Variants in ZNF778 observed in about 807,000 individuals in gnomAD.
The protein encoded by ZNF778 is zinc finger protein 778.
ZNF778 carries 37 observed loss-of-function variants against 23.9 expected under a neutral mutation model. The observed-to-expected ratio is 1.54, with a 90% CI of 1.19 to 2.03. The LOEUF (loss-of-function observed/expected upper bound fraction) is 2.03. Among genes scored for constraint, ZNF778 ranks in the 30% most tolerant of loss-of-function variants. ZNF778 has a pLI of 0.00. For missense variants in ZNF778, 1,297 were observed against 934.4 expected, an observed-to-expected ratio of 1.39 and a Z score of -5.06; for synonymous variants, 483 against 343.9, an observed-to-expected ratio of 1.40 and a Z score of -4.48.
Position 89,228,798 on chromosome 16 carries a change from A to T in ZNF778, c.*236A>T, listed in dbSNP as rs2031735463. The T allele has an allele frequency of 7.8e-7, 1 of 1,284,690 alleles. No individual in the cohort carries two copies. The highest frequency in any genetic ancestry group is 3.3e-5 in the East Asian group (1 of 30,702). The allele number at this position is 1,284,690 out of a possible 1,614,324, so 79.6% of individuals were successfully genotyped here. ...GTATCCAGTAGAGAGAACTCTATTG[A>T]TGTGTGATATGCAGCAGCATTGTTG... On this transcript the variant is annotated 3_prime_UTR_variant, in exon 7 of 7. Transcript: ENST00000433976.
At chr16:89,221,295 CTG>C in intron 2 of ZNF778, 143 bp downstream of exon 2, 2 of 940,744 alleles carry the variant, frequency 2.1e-6, no homozygotes, top group Non-Finnish European at 3.2e-6. Context: ...GAATGCTGAC[CTG>C]TAAGTCAGCC....
At position 89,227,980 on chromosome 16, in the gene ZNF778, G is replaced by C. The variant is rs753103117; in HGVS notation, c.1692G>C (p.Thr564=). 1 of 1,589,698 alleles carries C rather than the reference G, an allele frequency of 6.3e-7. No homozygotes were observed. Among genetic ancestry groups the C allele is most frequent in the Non-Finnish European group, 8.6e-7 (1 of 1,165,032 alleles). ...THTEEKPFIC[T]VCRKSFRNSS... Reference sequence around the variant, plus strand: ...CAGAGGAGAAGCCCTTTATATGTACGGTATGCAGGAAATCCTTCAGAAATT... The same window carrying C: ...CAGAGGAGAAGCCCTTTATATGTACCGTATGCAGGAAATCCTTCAGAAATT... The change falls in exon 7 of 7, where the codon ACG becomes ACC. Residue 564 remains threonine (T), a synonymous_variant. Transcript: ENST00000433976.
In ZNF778 at chr16:89,236,571, C is replaced by G. The variant is rs995648265; in HGVS notation, c.*8009C>G. 10 of 152,244 alleles carry G rather than the reference C, an allele frequency of 6.6e-5. No individual in the cohort carries two copies. The highest frequency in any genetic ancestry group is 2.1e-4 in the South Asian group (1 of 4,824). 9.4% of individuals were successfully genotyped at this position (152,244 alleles called of 1,614,324 possible). On this transcript the variant is annotated 3_prime_UTR_variant, in exon 7 of 7. Transcript: ENST00000433976. ...AGTAAATAGATCAGATCATTCTACT[C>G]TTGAGTTCTTTAAAATATATATTAT...
In ZNF778 at chr16:89,230,915, G is replaced by C. The variant is rs929123337; in HGVS notation, c.*2353G>C. The C allele has an allele frequency of 1.3e-5, 2 of 152,302 alleles. No homozygotes were observed. Among genetic ancestry groups the C allele is most frequent in the African/African-American group, 4.8e-5 (2 of 41,466 alleles). The allele number at this position is 152,302 out of a possible 1,614,324, so 9.4% of individuals were successfully genotyped here. Reference sequence around the variant, plus strand: ...TGTCACGTGTTTGAAATTCTGGATGGACAGACCCATGCACCTTCATGTTAC... The same window carrying C: ...TGTCACGTGTTTGAAATTCTGGATGCACAGACCCATGCACCTTCATGTTAC... On this transcript the variant is annotated 3_prime_UTR_variant, in exon 7 of 7. Transcript: ENST00000433976.
In ZNF778 at chr16:89,228,289, C is replaced by T. The variant is rs60437616; in HGVS notation, c.2001C>T (p.His667=). The part of the protein sequence containing the change: ...SSHLIEHRRT[H]TGEKPYICNE... ...ACCTTATCGAACACAGAAGGACTCACACAGGAGAGAAACCTTACATATGTA... is the reference window on the plus strand; with the variant it reads ...ACCTTATCGAACACAGAAGGACTCATACAGGAGAGAAACCTTACATATGTA... Residue 667 remains histidine (H), a synonymous_variant, in exon 7 of 7, where the codon CAC becomes CAT. Coordinates refer to ENST00000433976, the MANE Select transcript of ZNF778 (RefSeq NM_001201407.2). The T allele has an allele frequency of 0.85, 1,378,672 of 1,613,714 alleles. 595,232 individuals carry two copies. The highest frequency in any genetic ancestry group is 0.89 in the Non-Finnish European group (1,053,116 of 1,179,846).
chr16:89,227,019 C>T lies in ZNF778; in HGVS notation c.731C>T (p.Ala244Val), dbSNP rs771274684. 34 of 1,613,734 alleles carry T rather than the reference C, an allele frequency of 2.1e-5. 1 individual carries two copies. Among genetic ancestry groups the T allele is most frequent in the South Asian group, 1.5e-4 (14 of 91,080 alleles). Residue 244 changes from alanine (A) to valine (V), a missense_variant, in exon 7 of 7, where the codon GCG (alanine) becomes GTG (valine). Physicochemically the swap from Ala to Val is moderately conservative, Grantham distance 64. Transcript: ENST00000433976. ...AATCAGTCATACCTTCAGGCACGTG[C>T]GGGAAGTCACAACGGAGAAGAAACA... is the stretch of plus-strand genomic sequence containing the variant. ...FLNQSYLQAR[A>V]GSHNGEETWK...
At position 89,226,600 on chromosome 16, in the gene ZNF778, C is replaced by T. The variant is rs1218584751; in HGVS notation, c.406-94C>T. 2.9e-5 allele frequency: 34 copies of T among 1,176,370 alleles called. No homozygotes were observed. The South Asian group carries it at 3.2e-4, about 11-fold the overall frequency. The allele number at this position is 1,176,370 out of a possible 1,614,324, so 72.9% of individuals were successfully genotyped here. On this transcript the variant is annotated intron_variant, in intron 6 of 6. Coordinates refer to ENST00000433976, the MANE Select transcript of ZNF778 (RefSeq NM_001201407.2). ...TGCATGTTATGAAAATGGCAAAAAT[C>T]GTAATCATCATCGTCATGCTCTGTC...
rs985411490 is a variant in ZNF778 at position 89,233,877 on chromosome 16, G to A, written c.*5315G>A. On this transcript the variant is annotated 3_prime_UTR_variant, in exon 7 of 7. Coordinates refer to ENST00000433976, the MANE Select transcript of ZNF778 (RefSeq NM_001201407.2). ...TTTTTCTAACTACCACACCAAGCCA[G>A]TATTTCTCCTCCCTGAAGTCAGCCC... 9.3e-6 allele frequency: 12 copies of A among 1,289,730 alleles called. No individual in the cohort carries two copies. The highest frequency in any genetic ancestry group is 2.1e-4 in the Middle Eastern group (1 of 4,698). 79.9% of individuals were successfully genotyped at this position (1,289,730 alleles called of 1,614,324 possible). A position where few individuals can be genotyped will look rare whatever the true frequency, so the allele number is the denominator to read the frequency against.
In ZNF778 at chr16:89,234,110, C is replaced by T. The variant is rs745526412; in HGVS notation, c.*5548C>T. 9.9e-6 allele frequency: 5 copies of T among 506,322 alleles called. No individual in the cohort carries two copies. The highest frequency in any genetic ancestry group is 4.6e-5 in the South Asian group (3 of 65,118). 31.4% of individuals were successfully genotyped at this position (506,322 alleles called of 1,614,324 possible). The stretch of plus-strand genomic sequence containing the variant: ...TGCCTGGAGTGATGTGCCGCCTTCT[C>T]TTGACACTGTGAGTGATAAACTTTC... On this transcript the variant is annotated 3_prime_UTR_variant, in exon 7 of 7. Transcript: ENST00000433976.
Position 89,227,783 on chromosome 16 carries a change from C to G in ZNF778, c.1495C>G (p.His499Asp). The change falls in exon 7 of 7, where the codon CAT (histidine) becomes GAT (aspartate). Residue 499 changes from histidine (H) to aspartate (D), a missense_variant. Coordinates refer to ENST00000433976, the MANE Select transcript of ZNF778 (RefSeq NM_001201407.2). ...AAGCCTGACTGAGCACGCGAGAATC[C>G]ATACCGGAGAGAAACCCTACGAATG... ...SSSLTEHARI[H>D]TGEKPYECKQ... 6.2e-7 allele frequency: 1 copy of G among 1,613,160 alleles called. No individual in the cohort carries two copies. Among genetic ancestry groups the G allele is most frequent in the Non-Finnish European group, 8.5e-7 (1 of 1,179,256 alleles).
In ZNF778 at chr16:89,228,166, C is replaced by T. The variant is rs931513914; in HGVS notation, c.1878C>T (p.Phe626=). 6.2e-7 allele frequency: 1 copy of T among 1,613,582 alleles called. No homozygotes were observed. The highest frequency in any genetic ancestry group is 8.5e-7 in the Non-Finnish European group (1 of 1,179,644). Residue 626 remains phenylalanine (F), a synonymous_variant, in exon 7 of 7, where the codon TTC becomes TTT. Transcript: ENST00000433976. The part of the protein sequence containing the change: ...PYECKVCGKA[F]TTSSHLIVHI... ...AATGTAAAGTATGCGGAAAGGCCTT[C>T]ACCACATCCTCACACCTTATCGTGC...
rs2032243404 is a variant in ZNF778, at chr16:89,236,581, TTAAAATA to T, written c.*8022_*8028del. On this transcript the variant is annotated 3_prime_UTR_variant, in exon 7 of 7. Transcript: ENST00000433976. ...TCAGATCATTCTACTCTTGAGTTCTTTAAAATATATATTATTGTCAAAAGCAAAAATT... is the reference window on the plus strand; with the variant it reads ...TCAGATCATTCTACTCTTGAGTTCTTTATATTATTGTCAAAAGCAAAAATT... 6.6e-6 allele frequency: 1 copy of T among 152,214 alleles called. No individual in the cohort carries two copies. The highest frequency in any genetic ancestry group is 2.4e-5 in the African/African-American group (1 of 41,464). 9.4% of individuals were successfully genotyped at this position (152,214 alleles called of 1,614,324 possible). A position where few individuals can be genotyped will look rare whatever the true frequency, so the allele number is the denominator to read the frequency against.
At position 89,233,574 on chromosome 16, in the gene ZNF778, A is replaced by G. The variant is rs1372912339; in HGVS notation, c.*5012A>G. ...TCACTGCATATGCAACTCAGCTCGCACTGCATATGCAACGCAACTCAACTC... is the reference window on the plus strand; with the variant it reads ...TCACTGCATATGCAACTCAGCTCGCGCTGCATATGCAACGCAACTCAACTC... On this transcript the variant is annotated 3_prime_UTR_variant, in exon 7 of 7. Coordinates refer to ENST00000433976, the MANE Select transcript of ZNF778 (RefSeq NM_001201407.2). The G allele has an allele frequency of 1.8e-6, 2 of 1,128,606 alleles. No individual in the cohort carries two copies. Among genetic ancestry groups the G allele is most frequent in the East Asian group, 6.2e-5 (1 of 16,232 alleles). The allele number at this position is 1,128,606 out of a possible 1,614,324, so 69.9% of individuals were successfully genotyped here.
intron 3 of ZNF778, among the ~76,000 whole-genome samples, chr16:89,222,395 G>C (rs572426754): frequency 6.6e-6 from 1 of 151,944 alleles, no homozygotes; most frequent in East Asian, 1.9e-4. Context: ...ACGGAGTCTC[G>C]CTTTGTCGCC....
Position 89,225,650 on chromosome 16 carries a change from A to AT in ZNF778, c.405+26dup, listed in dbSNP as rs1567502712. On this transcript the variant is annotated intron_variant, in intron 6 of 6. Coordinates refer to ENST00000433976, the MANE Select transcript of ZNF778 (RefSeq NM_001201407.2). ...ACAGACGGTAAGATTAACAAGAGAG[A>AT]TTTTTTTATTTATCACACTCATAAA... 6 of 1,597,532 alleles carry AT rather than the reference A, an allele frequency of 3.8e-6. No homozygotes were observed. Among genetic ancestry groups the AT allele is most frequent in the Admixed American group, 1.7e-5 (1 of 58,592 alleles).
Position 89,233,528 on chromosome 16 carries a change from G to A in ZNF778, c.*4966G>A, listed in dbSNP as rs773004976. The A allele has an allele frequency of 1.7e-5, 22 of 1,280,320 alleles. No individual in the cohort carries two copies. In the East Asian group the frequency reaches 5.7e-4, roughly 33 times the overall value. The allele number at this position is 1,280,320 out of a possible 1,614,324, so 79.3% of individuals were successfully genotyped here. ...TTGCTCTGTGTATGCAACTCAACTC[G>A]CACTGCGTATGCAAATCAACTCACT... is the stretch of plus-strand genomic sequence containing the variant. On this transcript the variant is annotated 3_prime_UTR_variant, in exon 7 of 7. Transcript: ENST00000433976.
rs368346317 is a variant in ZNF778 at position 89,230,968 on chromosome 16, C to T, written c.*2406C>T. On this transcript the variant is annotated 3_prime_UTR_variant, in exon 7 of 7. Coordinates refer to ENST00000433976, the MANE Select transcript of ZNF778 (RefSeq NM_001201407.2). ...GTTTAAAATTCTGGATGGACAGACC[C>T]GTGCACCTTCCTGTCACATGTTTGA... The T allele has an allele frequency of 1.4e-4, 22 of 151,772 alleles. No homozygotes were observed. The highest frequency in any genetic ancestry group is 4.1e-4 in the African/African-American group (17 of 41,268). The allele number at this position is 151,772 out of a possible 1,614,324, so 9.4% of individuals were successfully genotyped here.
At chr16:89,224,485 G>A in intron 4 of ZNF778, 1 of 400,566 alleles carries the variant, frequency 2.5e-6, no homozygotes, top group Non-Finnish European at 4.7e-6. Context: ...CAGGCGTGGT[G>A]GCGGGCACCT....
At chr16:89,226,621 C>G (rs558091601) in intron 6 of ZNF778, 73 bp from the exon 7 acceptor site, 2 of 1,337,700 alleles carry the variant, frequency 1.5e-6, no homozygotes, top group Admixed American at 2.4e-5. Flanking sequence ...TCGTCATGCT[C>G]TGTCTTCAGC....
Sources: gnomAD v4.1 joint callset for allele counts (sites outside exome capture counted in the v4.1 genomes callset) on GRCh38, gnomAD v4.1.1 for gene constraint, MANE v1.5 for transcripts, NCBI Gene and HGNC (gene_info 2026-07-23, HGNC 2026-07-21) for gene names.